Variants in SNHG17 observed in about 807,000 individuals in gnomAD.
SNHG17 encodes the protein small nucleolar RNA host gene 17 (non-protein coding).
In SNHG17 at chr20:38,425,016, C is replaced by T. The variant is rs141430600; in HGVS notation, n.579+919G>A. 44 of 314,402 alleles carry T rather than the reference C, an allele frequency of 1.4e-4. No individual in the cohort carries two copies. The East Asian group carries it at 3.3e-3, about 23-fold the overall frequency. 19.5% of individuals were successfully genotyped at this position (314,402 alleles called of 1,614,324 possible). Reference sequence around the variant, plus strand: ...TTACAAGTGGATGAGGTGCCCCCATCCAGCCCCCCACCACTAGACTGCTGA... The same window carrying T: ...TTACAAGTGGATGAGGTGCCCCCATTCAGCCCCCCACCACTAGACTGCTGA... On this transcript the variant is annotated intron_variant and non_coding_transcript_variant, in intron 5 of 8. Coordinates refer to ENST00000654008, the Ensembl canonical transcript of SNHG17.
chr20:38,434,872 A>G (rs1199684790), intron 1 of SNHG17: 1 of 985,308 alleles, frequency 1.0e-6, no homozygotes, highest in Non-Finnish European at 1.2e-6. Flanking sequence ...GAGGCTTCCA[A>G]TGCCAGGAGT....
At chr20:38,430,396 A>G (rs1172198620) in intron 3 of SNHG17, among the ~76,000 whole-genome samples, 1 of 152,044 alleles carries the variant, frequency 6.6e-6, no homozygotes, top group Non-Finnish European at 1.5e-5. Context: ...TTGGGAGGCC[A>G]AGGCGGGTGG....
At chr20:38,427,687 T>G (rs1209314789) in intron 3 of SNHG17, 1 of 164,982 alleles carries the variant, frequency 6.1e-6, no homozygotes, top group Non-Finnish European at 1.3e-5. Context: ...TACCTTTGTT[T>G]TCTGTATCAG....
chr20:38,433,076 G>A (rs755240878), intron 2 of SNHG17, among the ~76,000 whole-genome samples: 3 of 152,242 alleles, frequency 2.0e-5, no homozygotes, highest in Non-Finnish European at 2.9e-5. Flanking sequence ...AGGTTCAAGC[G>A]ATTCTGGTGT....
At chr20:38,424,185 A>T (rs1020198586) in intron 5 of SNHG17, among the ~76,000 whole-genome samples, 18 of 70,874 alleles carry the variant, frequency 2.5e-4, no homozygotes, top group Admixed American at 4.6e-4. Context: ...AAAAAAAATT[A>T]AAAAAAAAAG....
intron 2 of SNHG17, among the ~76,000 whole-genome samples, chr20:38,432,419 G>A (rs2084354679): frequency 6.6e-6 from 1 of 152,180 alleles, no homozygotes; most frequent in African/African-American, 2.4e-5. Flanking sequence ...TGGGCAGGAT[G>A]GCCCATCTGT....
At chr20:38,431,005 C>G (rs1235660353) in intron 3 of SNHG17, 1 of 152,566 alleles carries the variant, frequency 6.6e-6, no homozygotes, top group Non-Finnish European at 1.5e-5. Context: ...CTGCAGAGAA[C>G]TTGAGCTCTA....
intron 6 of SNHG17, chr20:38,422,078 G>C (rs916676711): frequency 3.9e-5 from 6 of 152,384 alleles, no homozygotes; most frequent in African/African-American, 1.4e-4. Context: ...GTTCCCCCGG[G>C]GAGCTCACTT....
At chr20:38,427,270 G>A (rs369239202) in intron 3 of SNHG17, 7 of 459,506 alleles carry the variant, frequency 1.5e-5, no homozygotes, top group Non-Finnish European at 2.6e-5. Flanking sequence ...CCAAGCAAGC[G>A]CCGGACTCCT....
intron 3 of SNHG17, chr20:38,427,460 A>G (rs2084269755): frequency 2.0e-6 from 1 of 511,584 alleles, no homozygotes; most frequent in Non-Finnish European, 3.9e-6. Context: ...CAGACAGGAG[A>G]GCCAGGAAGG....
At chr20:38,420,657 A>C (rs1245039652) in exon 8 of SNHG17, 1 of 152,206 alleles carries the variant, frequency 6.6e-6, no homozygotes, top group Non-Finnish European at 1.5e-5. Flanking sequence ...TTCAAAAATA[A>C]AACTCTTGGT....
intron 2 of SNHG17, among the ~76,000 whole-genome samples, chr20:38,434,353 C>T (rs2084394176): frequency 6.6e-6 from 1 of 152,242 alleles, no homozygotes; most frequent in Admixed American, 6.5e-5. Flanking sequence ...TGACCCCAAG[C>T]GCAGCCCGTC....
intron 3 of SNHG17, chr20:38,427,850 GA>G (rs2122706753): frequency 6.5e-6 from 1 of 153,676 alleles, no homozygotes; most frequent in South Asian, 2.0e-4. Context: ...CTGTTTTCCT[GA>G]AAGTCTGGAA....
intron 5 of SNHG17, chr20:38,425,875 T>C (rs963318528): frequency 3.3e-5 from 5 of 153,464 alleles, no homozygotes; most frequent in East Asian, 1.9e-4. Context: ...CCAAGCAACA[T>C]GGTGAGACTC....
chr20:38,435,320 CGAAGGACTGA>C, exon 1 of SNHG17: 1 of 1,231,236 alleles, frequency 8.1e-7, no homozygotes, highest in Non-Finnish European at 1.0e-6. Flanking sequence ...CGAGGGACGG[CGAAGGACTGA>C]GGCCACACGA....
At chr20:38,427,330 G>A (rs529983045) in intron 3 of SNHG17, 17 of 513,458 alleles carry the variant, frequency 3.3e-5, no homozygotes, top group East Asian at 5.6e-5. Flanking sequence ...TTCAGGGTTC[G>A]GATGGGATAG....
At chr20:38,421,467 C>G (rs947983885) in intron 6 of SNHG17, 1 of 152,226 alleles carries the variant, frequency 6.6e-6, no homozygotes, top group African/African-American at 2.4e-5. Context: ...CCCTTCACTG[C>G]TATCTGAATT....
chr20:38,432,073 C>T (rs1261802225), intron 2 of SNHG17: 3 of 985,350 alleles, frequency 3.0e-6, no homozygotes, highest in African/African-American at 1.7e-5. Context: ...AATCAGCCTC[C>T]TCTGCCAGAA....
exon 1 of SNHG17, chr20:38,435,213 G>A: frequency 1.6e-6 from 2 of 1,232,038 alleles, no homozygotes; most frequent in African/African-American, 1.5e-5. Context: ...CCCTGGCGTC[G>A]AGTGGCGGCG....
Sources: allele counts gnomAD v4.1 joint callset (sites outside exome capture counted in the v4.1 genomes callset), GRCh38; gene constraint gnomAD v4.1.1; transcripts MANE v1.5; gene names NCBI Gene and HGNC (gene_info 2026-07-23, HGNC 2026-07-21).